ELAVL1: variants seen among roughly 807,000 people sequenced by gnomAD.
ELAVL1 encodes ELAV like RNA binding protein 1.
A neutral mutation model predicts 28.4 loss-of-function variants in ELAVL1; 1 was observed. The observed-to-expected ratio is 0.04, with a 90% CI of 0.01 to 0.17. ELAVL1 has a LOEUF of 0.17. Among genes scored for constraint, ELAVL1 ranks in the 10% least tolerant of loss-of-function variants. The probability of loss-of-function intolerance (pLI) is 1.00; values close to 1 mark genes in which losing one functional copy is unlikely to be tolerated. For synonymous variants in ELAVL1, 174 were observed against 183.5 expected (o/e 0.95, Z 0.42); for missense variants, 157 against 447.2 (o/e 0.35, Z 5.85).
chr19:8,002,220 G>C (rs2081070558), intron 1 of ELAVL1: 6 of 958,660 alleles, frequency 6.3e-6, no homozygotes, highest in Middle Eastern at 2.5e-4. Flanking sequence ...ATCCTAAAAA[G>C]CCCCACCCTA....
intron 1 of ELAVL1, chr19:8,002,187 T>TTCCCAC (rs2081070428): frequency 8.2e-7 from 1 of 1,221,036 alleles, no homozygotes; most frequent in African/African-American, 1.6e-5. Context: ...CACTGCGATG[T>TTCCCAC]TCCCACCTCC....
chr19:7,991,545 T>A, intron 2 of ELAVL1, 99 bp downstream of exon 2: 1 of 1,235,964 alleles, frequency 8.1e-7, no homozygotes, highest in Admixed American at 2.2e-5. Context: ...GCTGTAGTTA[T>A]CCTGCACTGA....
intron 2 of ELAVL1, among the ~76,000 whole-genome samples, chr19:7,984,111 G>A (rs1482010185): frequency 1.3e-5 from 2 of 152,062 alleles, no homozygotes; most frequent in Non-Finnish European, 2.9e-5. Context: ...CAACATCACC[G>A]AGGGAGTCGC....
At chr19:8,005,196 A>C (rs2081082898) in intron 1 of ELAVL1, among the ~76,000 whole-genome samples, 1 of 151,754 alleles carries the variant, frequency 6.6e-6, no homozygotes, top group Admixed American at 6.6e-5. Flanking sequence ...CCGGGCTTCC[A>C]AGGCGACCGG....
chr19:7,972,269 C>T (rs182399874), intron 4 of ELAVL1, among the ~76,000 whole-genome samples: 14 of 152,234 alleles, frequency 9.2e-5, no homozygotes, highest in Admixed American at 2.0e-4. Flanking sequence ...GGGCCACGTG[C>T]AGGGCTTGGC....
intron 4 of ELAVL1, among the ~76,000 whole-genome samples, chr19:7,971,432 C>T (rs1174889575): frequency 6.6e-6 from 1 of 152,220 alleles, no homozygotes; most frequent in Non-Finnish European, 1.5e-5. Flanking sequence ...TTGGTTCCCC[C>T]GGCCCTGGGC....
At chr19:7,992,989 G>T (rs764417331) in intron 1 of ELAVL1, among the ~76,000 whole-genome samples, 14 of 152,182 alleles carry the variant, frequency 9.2e-5, no homozygotes, top group African/African-American at 2.7e-4. Context: ...GGTTAATTTT[G>T]AACTCCTGGC....
chr19:7,970,125 A>C (rs1283699378), intron 4 of ELAVL1, among the ~76,000 whole-genome samples: 1 of 151,676 alleles, frequency 6.6e-6, no homozygotes, highest in Non-Finnish European at 1.5e-5. Context: ...GGCGCCTGCC[A>C]CCATGCCTGG....
intron 4 of ELAVL1, chr19:7,973,268 T>G: frequency 4.5e-6 from 1 of 222,292 alleles, no homozygotes. Flanking sequence ...TCTCGCTCTG[T>G]CACCCACGCT....
intron 3 of ELAVL1, among the ~76,000 whole-genome samples, chr19:7,978,745 G>A (rs189177246): frequency 2.0e-4 from 30 of 152,318 alleles, no homozygotes; most frequent in African/African-American, 6.5e-4. Flanking sequence ...GCAGGGGCCT[G>A]GGGTCCCCCA....
Position 7,981,375 on chromosome 19 carries a change from A to T in ELAVL1, c.173-189T>A, listed in dbSNP as rs1257926615. ...GGTTCCTTTTTTTTTTTTTTTTTAA[A>T]GAGATAGGATCTTGCTCTGTCACCC... On this transcript the variant is annotated intron_variant, in intron 2 of 5. Coordinates refer to ENST00000407627, the MANE Select transcript of ELAVL1 (RefSeq NM_001419.3). The surrounding 1 kb of genome is among the most constrained non-coding windows in gnomAD (Gnocchi z 4.2). Among the ~76,000 whole-genome samples the T allele has an allele frequency of 2.7e-5, 4 of 149,740 alleles. No individual in the cohort carries two copies. Among genetic ancestry groups the T allele is most frequent in the Admixed American group, 2.7e-4 (4 of 15,068 alleles).
Position 7,959,111 on chromosome 19 carries a change from C to CT in ELAVL1, c.*4371dup, listed in dbSNP as rs199580649. The CT allele has an allele frequency of 4.9e-4, 71 of 144,620 alleles. No individual in the cohort carries two copies. Among genetic ancestry groups the CT allele is most frequent in the Non-Finnish European group, 4.4e-4 (29 of 65,264 alleles). 9.0% of individuals were successfully genotyped at this position (144,620 alleles called of 1,614,324 possible). ...TGATGGAAAACTGATAAGGGCTTTT[C>CT]TTTTTTTTTTTCTGAAAATAATTTA... is the stretch of plus-strand genomic sequence containing the variant. On this transcript the variant is annotated 3_prime_UTR_variant, in exon 6 of 6. Coordinates refer to ENST00000407627, the MANE Select transcript of ELAVL1 (RefSeq NM_001419.3).
chr19:8,000,968 G>A (rs972187023), intron 1 of ELAVL1, among the ~76,000 whole-genome samples: 1 of 152,250 alleles, frequency 6.6e-6, no homozygotes, highest in Non-Finnish European at 1.5e-5. Context: ...CAAAGCAACA[G>A]GGCATGGCAG....
rs1167807131 is a variant in ELAVL1 at position 7,982,614 on chromosome 19, C to T, written c.173-1428G>A. Among the ~76,000 whole-genome samples the T allele has an allele frequency of 6.6e-6, 1 of 152,216 alleles. No individual in the cohort carries two copies. The highest frequency in any genetic ancestry group is 2.4e-5 in the African/African-American group (1 of 41,456). On this transcript the variant is annotated intron_variant, in intron 2 of 5. Coordinates refer to ENST00000407627, the MANE Select transcript of ELAVL1 (RefSeq NM_001419.3). This position sits in a 1 kb window ranked among gnomAD's most constrained non-coding sequence, Gnocchi z 4.3. The stretch of plus-strand genomic sequence containing the variant: ...CCATATGGCCCCCTCCCAGTTTCCC[C>T]TATGGGTACCACCGCAAGTGAGTAT...
chr19:7,961,438 C>T lies in ELAVL1; in HGVS notation c.*2045G>A, dbSNP rs1046259035. 1.3e-5 allele frequency: 2 copies of T among 152,112 alleles called. No homozygotes were observed. The highest frequency in any genetic ancestry group is 2.9e-5 in the Non-Finnish European group (2 of 68,018). 9.4% of individuals were successfully genotyped at this position (152,112 alleles called of 1,614,324 possible). A position where few individuals can be genotyped will look rare whatever the true frequency, so the allele number is the denominator to read the frequency against. On this transcript the variant is annotated 3_prime_UTR_variant, in exon 6 of 6. Transcript: ENST00000407627. ...CCACCTTCCATCAGAAGGGTGTTGG[C>T]TCCCACCTTCCATCAGAAGATGCTG...
intron 3 of ELAVL1, among the ~76,000 whole-genome samples, chr19:7,976,468 A>G (rs879514273): frequency 9.2e-5 from 14 of 152,196 alleles, no homozygotes; most frequent in Admixed American, 8.5e-4. Flanking sequence ...ATGTGGATAC[A>G]GGCACTCTCA....
At position 7,987,279 on chromosome 19, in the gene ELAVL1, G is replaced by C. The variant is rs564882756; in HGVS notation, c.172+4365C>G. 3.9e-5 allele frequency among the ~76,000 whole-genome samples: 6 copies of C among 152,300 alleles called. No homozygotes were observed. In the East Asian group the frequency reaches 9.7e-4, roughly 25 times the overall value. ...TACAGCAAGACAGAAGCCGTGAATG[G>C]GGCTGCAGCCTGGTGGCTCCGGCAT... On this transcript the variant is annotated intron_variant, in intron 2 of 5. Transcript: ENST00000407627.
At chr19:7,969,864 G>C (rs1215234117) in intron 4 of ELAVL1, among the ~76,000 whole-genome samples, 4 of 151,870 alleles carry the variant, frequency 2.6e-5, no homozygotes, top group Non-Finnish European at 4.4e-5. Flanking sequence ...GGGGCAGGAG[G>C]GATGCTGTTT....
At chr19:7,964,985 C>T (rs984570258) in intron 5 of ELAVL1, among the ~76,000 whole-genome samples, 1 of 152,224 alleles carries the variant, frequency 6.6e-6, no homozygotes, top group African/African-American at 2.4e-5. Flanking sequence ...GCCCTGCAGG[C>T]CCCAGCCGGG....
Sources: gnomAD v4.1 joint callset for allele counts (sites outside exome capture counted in the v4.1 genomes callset) on GRCh38, gnomAD v4.1.1 for gene constraint, Gnocchi (gnomAD v3.1) non-coding constraint, MANE v1.5 for transcripts, NCBI Gene and HGNC (gene_info 2026-07-23, HGNC 2026-07-21) for gene names.